Variants in CHCHD3 observed in about 807,000 individuals in gnomAD.
The protein encoded by CHCHD3 is coiled-coil-helix-coiled-coil-helix domain containing 3.
In CHCHD3, 20 loss-of-function variants were observed where a neutral mutation model predicts 38.2. That is an observed-to-expected ratio of 0.52 (90% CI 0.37 to 0.76). The LOEUF (loss-of-function observed/expected upper bound fraction) is 0.76. Ranked by LOEUF, CHCHD3 falls within the 30% of genes least tolerant of loss-of-function variation. CHCHD3 has a pLI of 0.00. For synonymous variants in CHCHD3, 82 were observed against 100.0 expected (o/e 0.82, Z 1.07); for missense variants, 245 against 279.2 (o/e 0.88, Z 0.87).
At chr7:132,911,641 C>A (rs1809954834) in intron 4 of CHCHD3, among the ~76,000 whole-genome samples, 1 of 152,234 alleles carries the variant, frequency 6.6e-6, no homozygotes, top group South Asian at 2.1e-4. Flanking sequence ...GTCATCCCAA[C>A]TTCAGCCTAA....
rs967700872 is a variant in CHCHD3 at position 132,931,980 on chromosome 7, G to C, written c.369+43189C>G. Among the ~76,000 whole-genome samples the C allele has an allele frequency of 5.3e-5, 8 of 152,148 alleles. No homozygotes were observed. The East Asian group carries it at 1.5e-3, about 29-fold the overall frequency. ...TGAGTCAGAAATAGAACAAAATTTT[G>C]AGTTGCAAACCCAAGGGACCTTCAG... On this transcript the variant is annotated intron_variant, in intron 4 of 7. Transcript: ENST00000262570.
intron 7 of CHCHD3, among the ~76,000 whole-genome samples, chr7:132,786,071 G>A (rs1020108974): frequency 2.0e-5 from 3 of 152,268 alleles, no homozygotes; most frequent in East Asian, 1.9e-4. Flanking sequence ...TCAGTTACTC[G>A]AGACGCTGAG....
intron 7 of CHCHD3, among the ~76,000 whole-genome samples, chr7:132,793,040 A>G (rs777985399): frequency 2.0e-5 from 3 of 152,146 alleles, no homozygotes; most frequent in Admixed American, 6.5e-5. Context: ...CCCCTTTTTT[A>G]AAAAACAGAA....
chr7:132,848,903 T>C (rs12667678), intron 5 of CHCHD3, among the ~76,000 whole-genome samples: 79,947 of 151,922 alleles, frequency 0.53, 21,155 homozygotes, highest in South Asian at 0.6. Flanking sequence ...TACTCAATGC[T>C]CCCAGGAGAA....
chr7:133,081,729 C>T, intron 1 of CHCHD3, 128 bp downstream of exon 1: 1 of 855,554 alleles, frequency 1.2e-6, no homozygotes, highest in Non-Finnish European at 1.9e-6. Flanking sequence ...TTCCCAGACA[C>T]CTGGGCTTCT....
At chr7:132,860,343 C>T (rs1024574508) in intron 5 of CHCHD3, among the ~76,000 whole-genome samples, 15 of 144,306 alleles carry the variant, frequency 1.0e-4, no homozygotes, top group Non-Finnish European at 2.3e-4. Flanking sequence ...AGAACACAAT[C>T]CCACATTGTT....
At position 132,975,193 on chromosome 7, in the gene CHCHD3, C is replaced by T; in HGVS notation, c.345G>A (p.Glu115=). The T allele has an allele frequency of 6.2e-7, 1 of 1,612,246 alleles. No homozygotes were observed. The highest frequency in any genetic ancestry group is 8.5e-7 in the Non-Finnish European group (1 of 1,179,940). Residue 115 remains glutamate, a synonymous_variant, in exon 4 of 8, where the codon GAG becomes GAA. Transcript: ENST00000262570. ...CCAGGTGCTTTGCCTTAGCGCGTTC[C>T]TCCTCGCTACATATCCTCTCCCGAA... The part of the protein sequence containing the change: ...AILRERICSE[E]ERAKAKHLAR...
rs1360887689 is a variant in CHCHD3, at chr7:133,043,409, A to G, written c.170-18782T>C. 2.0e-5 allele frequency among the ~76,000 whole-genome samples: 3 copies of G among 152,162 alleles called. No homozygotes were observed. The East Asian group carries it at 5.8e-4, about 29-fold the overall frequency. On this transcript the variant is annotated intron_variant, in intron 2 of 7. Transcript: ENST00000262570. ...GTAATCCCAGCACTTTGGGAGGCCA[A>G]GGCGGGCAGATTACCTGACGTCAGG...
intron 2 of CHCHD3, among the ~76,000 whole-genome samples, chr7:133,065,160 T>C (rs773065817): frequency 6.6e-6 from 1 of 152,032 alleles, no homozygotes; most frequent in Admixed American, 6.6e-5. Context: ...AGCAAAAAAA[T>C]TGAGGCAGCA....
chr7:132,997,688 A>C lies in CHCHD3; in HGVS notation c.252-22402T>G, dbSNP rs948253200. The stretch of plus-strand genomic sequence containing the variant: ...AAAAAAAAAAAAAAAAAAAAAAAAA[A>C]CAGCAAGAGACCAAATGTGTTCACA... On this transcript the variant is annotated intron_variant, in intron 3 of 7. Coordinates refer to ENST00000262570, the MANE Select transcript of CHCHD3 (RefSeq NM_017812.4). 6.8e-4 allele frequency among the ~76,000 whole-genome samples: 101 copies of C among 147,704 alleles called. 1 individual carries two copies. Among genetic ancestry groups the C allele is most frequent in the Middle Eastern group, 3.4e-3 (1 of 290 alleles).
intron 3 of CHCHD3, among the ~76,000 whole-genome samples, chr7:132,984,317 G>C (rs1413831761): frequency 2.6e-5 from 4 of 151,862 alleles, no homozygotes; most frequent in Admixed American, 2.6e-4. Context: ...CGCCAGCCTC[G>C]GCCTCCCGAG....
intron 4 of CHCHD3, among the ~76,000 whole-genome samples, chr7:132,929,969 G>A (rs1368145695): frequency 6.6e-6 from 1 of 152,082 alleles, no homozygotes; most frequent in African/African-American, 2.4e-5. Flanking sequence ...AGAAACTAAG[G>A]CAAGAGAAAG....
At chr7:132,968,798 C>T (rs1811539733) in intron 4 of CHCHD3, among the ~76,000 whole-genome samples, 1 of 152,200 alleles carries the variant, frequency 6.6e-6, no homozygotes, top group South Asian at 2.1e-4. Context: ...TAAACCATGT[C>T]GATCATTTCA....
At chr7:132,841,404 A>G (rs1169027372) in intron 5 of CHCHD3, among the ~76,000 whole-genome samples, 1 of 146,032 alleles carries the variant, frequency 6.8e-6, no homozygotes, top group Non-Finnish European at 1.5e-5. Flanking sequence ...ACTCATTCAA[A>G]AAAAAAAAAA....
intron 2 of CHCHD3, among the ~76,000 whole-genome samples, chr7:133,033,552 C>A (rs973543438): frequency 1.3e-5 from 2 of 152,002 alleles, no homozygotes; most frequent in Admixed American, 1.3e-4. Flanking sequence ...AAATATTCAC[C>A]CTGATAAATG....
chr7:132,822,170 T>A (rs1234998786), intron 6 of CHCHD3, among the ~76,000 whole-genome samples: 3 of 152,190 alleles, frequency 2.0e-5, no homozygotes, highest in African/African-American at 7.2e-5. Flanking sequence ...TCTCCTATTA[T>A]ATCAGCTTCT....
At chr7:133,030,975 C>A (rs1179329690) in intron 2 of CHCHD3, among the ~76,000 whole-genome samples, 1 of 152,094 alleles carries the variant, frequency 6.6e-6, no homozygotes, top group South Asian at 2.1e-4. Flanking sequence ...CTTTACTAAA[C>A]AATATTCTAA....
At chr7:133,040,585 C>T (rs1813807198) in intron 2 of CHCHD3, among the ~76,000 whole-genome samples, 1 of 152,172 alleles carries the variant, frequency 6.6e-6, no homozygotes, top group Non-Finnish European at 1.5e-5. Flanking sequence ...TTTATTGCCC[C>T]TCACCAAAGT....
At chr7:132,986,772 T>A (rs1020823831) in intron 3 of CHCHD3, among the ~76,000 whole-genome samples, 4 of 152,140 alleles carry the variant, frequency 2.6e-5, no homozygotes, top group Non-Finnish European at 5.9e-5. Flanking sequence ...ATGAAAGACA[T>A]ACATTAGTAA....
Sources: gnomAD v4.1 joint callset for allele counts (sites outside exome capture counted in the v4.1 genomes callset) on GRCh38, gnomAD v4.1.1 for gene constraint, MANE v1.5 for transcripts, NCBI Gene and HGNC (gene_info 2026-07-23, HGNC 2026-07-21) for gene names.